IL1RAPL1: variants seen among roughly 807,000 people sequenced by gnomAD.
IL1RAPL1 encodes the protein interleukin-1 receptor accessory protein-like 1.
A neutral mutation model predicts 48.4 loss-of-function variants in IL1RAPL1; 3 were observed. The ratio of observed to expected loss-of-function variants is 0.06; its 90% CI spans 0.03 to 0.16. The LOEUF (loss-of-function observed/expected upper bound fraction) is 0.16. Among genes scored for constraint, IL1RAPL1 ranks in the 10% least tolerant of loss-of-function variants. The probability of loss-of-function intolerance (pLI) is 1.00; values close to 1 mark genes in which losing one functional copy is unlikely to be tolerated. For synonymous variants in IL1RAPL1, 185 were observed against 187.7 expected, an observed-to-expected ratio of 0.99 and a Z score of 0.12; for missense variants, 349 against 530.6, an observed-to-expected ratio of 0.66 and a Z score of 3.36.
At chrX:29,143,743 C>T (rs761170112) in intron 2 of IL1RAPL1, among the ~76,000 whole-genome samples, 40 of 111,813 alleles carry the variant, frequency 3.6e-4, no homozygotes, top group African/African-American at 1.2e-3. Flanking sequence ...TTTTATTATT[C>T]GTTGTTAATA....
chrX:29,230,540 G>A lies in IL1RAPL1; in HGVS notation c.83-52398G>A, dbSNP rs1222615170. ...AAAAAAAAAAAAAAAAAAAAACCTT[G>A]TTGTCTCTCAGGCAACCAGCGCTTT... On this transcript the variant is annotated intron_variant, in intron 2 of 10. Transcript: ENST00000378993. 2.6e-4 allele frequency among the ~76,000 whole-genome samples: 6 copies of A among 22,921 alleles called. No homozygotes were observed. The South Asian group carries it at 8.1e-3, about 31-fold the overall frequency. 19.9% of individuals were successfully genotyped at this position (22,921 alleles called of 115,157 possible). A position where few individuals can be genotyped will look rare whatever the true frequency, so the allele number is the denominator to read the frequency against.
intron 2 of IL1RAPL1, among the ~76,000 whole-genome samples, chrX:29,255,667 G>A (rs758645115): frequency 1.4e-4 from 16 of 110,917 alleles, no homozygotes; most frequent in African/African-American, 2.3e-4. Flanking sequence ...GTATTCATGC[G>A]TACCCAGTGC....
chrX:28,945,668 T>G (rs1437570879), intron 2 of IL1RAPL1, among the ~76,000 whole-genome samples: 2 of 110,289 alleles, frequency 1.8e-5, no homozygotes, highest in Non-Finnish European at 3.8e-5. Flanking sequence ...TAAAACCTAG[T>G]TGATGGCTTG....
chrX:29,742,010 T>G (rs142381653), intron 6 of IL1RAPL1, among the ~76,000 whole-genome samples: 2,958 of 108,403 alleles, frequency 0.027, 104 homozygotes, highest in African/African-American at 0.095. Flanking sequence ...CAGCACAGCA[T>G]TGATGCATTT....
intron 6 of IL1RAPL1, among the ~76,000 whole-genome samples, chrX:29,885,178 C>G (rs1252267119): frequency 8.9e-6 from 1 of 111,802 alleles, no homozygotes; most frequent in African/African-American, 3.3e-5. Flanking sequence ...TGAATGCCTG[C>G]AATAACACAT....
At chrX:28,602,611 G>C (rs1934040272) in intron 1 of IL1RAPL1, among the ~76,000 whole-genome samples, 1 of 111,916 alleles carries the variant, frequency 8.9e-6, no homozygotes. Context: ...GTGAAAATTA[G>C]TTTTAATTTC....
chrX:29,579,042 A>G (rs934238986), intron 5 of IL1RAPL1, among the ~76,000 whole-genome samples: 2 of 111,475 alleles, frequency 1.8e-5, no homozygotes, highest in African/African-American at 6.5e-5. Flanking sequence ...TGACTGAGCC[A>G]TGTGTCCCTC....
intron 6 of IL1RAPL1, among the ~76,000 whole-genome samples, chrX:29,686,845 A>G (rs2147108786): frequency 9.0e-6 from 1 of 110,830 alleles, no homozygotes; most frequent in Non-Finnish European, 1.9e-5. Flanking sequence ...GGCATGAGCC[A>G]CCGTGCCCAG....
intron 3 of IL1RAPL1, among the ~76,000 whole-genome samples, chrX:29,376,447 T>A (rs1451971018): frequency 9.1e-6 from 1 of 110,000 alleles, no homozygotes; most frequent in Non-Finnish European, 1.9e-5. Context: ...CATGGGTCAC[T>A]GCAGCCTCAA....
intron 3 of IL1RAPL1, among the ~76,000 whole-genome samples, chrX:29,312,480 G>T (rs745984470): frequency 9.0e-6 from 1 of 111,311 alleles, no homozygotes; most frequent in African/African-American, 3.3e-5. Context: ...CCTCCCCAGG[G>T]TTTGACACTT....
chrX:28,676,408 A>AT (rs1006679643), intron 1 of IL1RAPL1, among the ~76,000 whole-genome samples: 3 of 111,401 alleles, frequency 2.7e-5, no homozygotes, highest in East Asian at 2.8e-4. Flanking sequence ...ACTATGCAAT[A>AT]TTTTTTTATT....
chrX:28,799,567 ACAAT>A (rs964208837), intron 2 of IL1RAPL1, among the ~76,000 whole-genome samples: 41 of 112,291 alleles, frequency 3.7e-4, no homozygotes, highest in African/African-American at 1.3e-3. Context: ...GGGAAGACAC[ACAAT>A]CAAACTATGT....
At chrX:29,747,976 T>C (rs1433966425) in intron 6 of IL1RAPL1, among the ~76,000 whole-genome samples, 1 of 112,091 alleles carries the variant, frequency 8.9e-6, no homozygotes, top group Non-Finnish European at 1.9e-5. Context: ...TGTTAGATTT[T>C]ACAATTTAAC....
intron 3 of IL1RAPL1, among the ~76,000 whole-genome samples, chrX:29,320,496 C>T (rs1313261731): frequency 2.7e-5 from 3 of 111,948 alleles, no homozygotes; most frequent in Non-Finnish European, 3.8e-5. Flanking sequence ...AATATTATGC[C>T]GGGCACGGTG....
In IL1RAPL1 at chrX:28,712,831, T is replaced by A. The variant is rs112097561; in HGVS notation, c.-24-76489T>A. 8.5e-3 allele frequency among the ~76,000 whole-genome samples: 937 copies of A among 110,537 alleles called. 13 individuals carry two copies. The highest frequency in any genetic ancestry group is 0.027 in the African/African-American group (829 of 30,262). On this transcript the variant is annotated intron_variant, in intron 1 of 10. Coordinates refer to ENST00000378993, the MANE Select transcript of IL1RAPL1 (RefSeq NM_014271.4). The stretch of plus-strand genomic sequence containing the variant: ...GTGTATTGTTTGAGGCTATTTTTTT[T>A]AAAAAAAGAGAATTTTAATAGTATC...
intron 8 of IL1RAPL1, among the ~76,000 whole-genome samples, chrX:29,933,687 A>G (rs1287014663): frequency 1.8e-5 from 2 of 110,557 alleles, no homozygotes; most frequent in African/African-American, 6.6e-5. Context: ...AGAGAAGACA[A>G]AAAACTTGTC....
At chrX:28,995,139 C>T (rs926342793) in intron 2 of IL1RAPL1, among the ~76,000 whole-genome samples, 5 of 111,016 alleles carry the variant, frequency 4.5e-5, no homozygotes, top group South Asian at 3.8e-4. Flanking sequence ...GTTTTCCTAT[C>T]AAATGTAGGG....
intron 6 of IL1RAPL1, among the ~76,000 whole-genome samples, chrX:29,906,318 G>C (rs1365709104): frequency 2.1e-5 from 2 of 94,959 alleles, no homozygotes; most frequent in South Asian, 1.0e-3. Context: ...CTGGGTGATA[G>C]AGCGAGACTC....
chrX:29,652,062 T>C, intron 5 of IL1RAPL1, among the ~76,000 whole-genome samples: 1 of 111,825 alleles, frequency 8.9e-6, no homozygotes, highest in Non-Finnish European at 1.9e-5. Flanking sequence ...TTAATGGCAG[T>C]TTTTAATGTA....
Sources: allele counts gnomAD v4.1 joint callset (sites outside exome capture counted in the v4.1 genomes callset), GRCh38; gene constraint gnomAD v4.1.1; transcripts MANE v1.5; gene names NCBI Gene and HGNC (gene_info 2026-07-23, HGNC 2026-07-21).